CELF4: variants seen among roughly 807,000 people sequenced by gnomAD.
The protein encoded by CELF4 is CUG-BP- and ETR-3-like factor 4.
Under a neutral mutation model 59.9 loss-of-function variants are expected in CELF4, and 18 were observed. The ratio of observed to expected loss-of-function variants is 0.30; its 90% CI spans 0.21 to 0.45. The LOEUF is 0.45. Among genes scored for constraint, CELF4 ranks in the 20% least tolerant of loss-of-function variants. The pLI, the probability that CELF4 is intolerant of heterozygous loss-of-function variation, is 1.00. For missense variants in CELF4, 456 were observed against 689.0 expected, an observed-to-expected ratio of 0.66 and a Z score of 3.79; for synonymous variants, 261 against 267.1, an observed-to-expected ratio of 0.98 and a Z score of 0.22.
At chr18:37,331,882 G>C (rs1160520884) in intron 2 of CELF4, among the ~76,000 whole-genome samples, 1 of 152,166 alleles carries the variant, frequency 6.6e-6, no homozygotes, top group Non-Finnish European at 1.5e-5. Context: ...GGGAGGATCT[G>C]GTGTGGCCGC....
chr18:37,397,463 G>C (rs751802947), intron 2 of CELF4, among the ~76,000 whole-genome samples: 44 of 152,118 alleles, frequency 2.9e-4, no homozygotes, highest in Non-Finnish European at 8.8e-5. Flanking sequence ...GGACCATCTG[G>C]GTAGCTCCAG....
intron 2 of CELF4, among the ~76,000 whole-genome samples, chr18:37,472,881 T>C (rs1005211001): frequency 1.3e-5 from 2 of 152,208 alleles, no homozygotes; most frequent in Non-Finnish European, 2.9e-5. Flanking sequence ...ACTGGTTCTA[T>C]GCGGGCATTT....
intron 2 of CELF4, among the ~76,000 whole-genome samples, chr18:37,442,553 T>C (rs939062587): frequency 3.3e-5 from 5 of 152,178 alleles, no homozygotes; most frequent in Admixed American, 1.3e-4. Context: ...TCACAGTGCA[T>C]GCTACTGCTG....
chr18:37,548,849 G>C (rs2099982263), intron 1 of CELF4, among the ~76,000 whole-genome samples: 2 of 152,146 alleles, frequency 1.3e-5, no homozygotes, highest in African/African-American at 4.8e-5. Flanking sequence ...TACATCCTTG[G>C]CGTGCCAGCT....
intron 2 of CELF4, among the ~76,000 whole-genome samples, chr18:37,433,602 C>T (rs532354410): frequency 3.7e-4 from 57 of 152,270 alleles, no homozygotes; most frequent in African/African-American, 1.3e-3. Context: ...AGTGCCAGGT[C>T]GGGGCCACGA....
At chr18:37,436,629 G>T (rs944532168) in intron 2 of CELF4, among the ~76,000 whole-genome samples, 2 of 152,226 alleles carry the variant, frequency 1.3e-5, no homozygotes, top group African/African-American at 4.8e-5. Flanking sequence ...CTATACAGAG[G>T]CTTTGGTTCT....
intron 2 of CELF4, among the ~76,000 whole-genome samples, chr18:37,375,342 G>A (rs1348030553): frequency 3.9e-5 from 6 of 152,192 alleles, no homozygotes; most frequent in African/African-American, 9.6e-5. Flanking sequence ...CGATGACGCC[G>A]GCTGGACGGC....
chr18:37,412,797 G>A (rs1432782453), intron 2 of CELF4, among the ~76,000 whole-genome samples: 1 of 152,148 alleles, frequency 6.6e-6, no homozygotes. Flanking sequence ...GAATGATGGA[G>A]GCAGAGATGG....
chr18:37,369,835 C>A (rs1251334647), intron 2 of CELF4, among the ~76,000 whole-genome samples: 1 of 152,236 alleles, frequency 6.6e-6, no homozygotes, highest in Non-Finnish European at 1.5e-5. Flanking sequence ...TGTGCCCAGC[C>A]AGCACAACAG....
At chr18:37,259,091 G>A (rs576476182) in intron 11 of CELF4, 90 bp downstream of exon 11, 9 of 1,597,058 alleles carry the variant, frequency 5.6e-6, no homozygotes, top group Non-Finnish European at 6.8e-6. Context: ...TGTCCTAGGT[G>A]AAGCTAATTG....
At chr18:37,402,154 G>T (rs2099333565) in intron 2 of CELF4, among the ~76,000 whole-genome samples, 1 of 152,234 alleles carries the variant, frequency 6.6e-6, no homozygotes, top group African/African-American at 2.4e-5. Context: ...TGGAGGGGAT[G>T]TGCCCCTTCT....
chr18:37,414,243 T>TATCTATCC (rs1557418296), intron 2 of CELF4, among the ~76,000 whole-genome samples: 4 of 126,060 alleles, frequency 3.2e-5, no homozygotes, highest in African/African-American at 8.8e-5. Flanking sequence ...TCTATCTATC[T>TATCTATCC]ATCCATCCAT....
chr18:37,307,248 AG>A (rs1603430323), intron 3 of CELF4, among the ~76,000 whole-genome samples: 1 of 152,164 alleles, frequency 6.6e-6, no homozygotes, highest in Non-Finnish European at 1.5e-5. Context: ...TCATAGCTCA[AG>A]GTTCATTTCA....
At chr18:37,262,310 T>C (rs973642388) in intron 10 of CELF4, among the ~76,000 whole-genome samples, 1 of 151,512 alleles carries the variant, frequency 6.6e-6, no homozygotes, top group Admixed American at 6.6e-5. Flanking sequence ...ATGGGGACAA[T>C]AGCAGCAGAT....
intron 2 of CELF4, among the ~76,000 whole-genome samples, chr18:37,472,208 C>T (rs2099835216): frequency 6.6e-6 from 1 of 152,378 alleles, no homozygotes; most frequent in Non-Finnish European, 1.5e-5. Context: ...CCCTCCTCTT[C>T]CAGCACAGCC....
At chr18:37,276,766 T>C (rs1290658851) in intron 3 of CELF4, among the ~76,000 whole-genome samples, 1 of 152,166 alleles carries the variant, frequency 6.6e-6, no homozygotes, top group East Asian at 1.9e-4. Context: ...TCGGGCTAAA[T>C]TGGTATGCAG....
chr18:37,251,216 C>T (rs1464848068), intron 12 of CELF4, among the ~76,000 whole-genome samples: 2 of 151,998 alleles, frequency 1.3e-5, no homozygotes, highest in Non-Finnish European at 2.9e-5. Context: ...TGTTACTTCT[C>T]GGAGCAGTGC....
At chr18:37,499,468 C>A (rs1030292864) in intron 1 of CELF4, among the ~76,000 whole-genome samples, 1 of 152,168 alleles carries the variant, frequency 6.6e-6, no homozygotes, top group Non-Finnish European at 1.5e-5. Context: ...AGGGTCCTGG[C>A]AGCACTGAGA....
intron 1 of CELF4, among the ~76,000 whole-genome samples, chr18:37,535,996 C>T (rs969374080): frequency 1.3e-5 from 2 of 152,116 alleles, no homozygotes; most frequent in Non-Finnish European, 1.5e-5. Context: ...GCACATATGT[C>T]CTGTTTATGT....
Sources: gnomAD v4.1 joint callset for allele counts (sites outside exome capture counted in the v4.1 genomes callset) on GRCh38, gnomAD v4.1.1 for gene constraint, MANE v1.5 for transcripts, NCBI Gene and HGNC (gene_info 2026-07-23, HGNC 2026-07-21) for gene names.